Variants in CD36 observed in about 807,000 individuals in gnomAD.
CD36 encodes the protein CD36 molecule (CD36 blood group), also known as platelet glycoprotein 4.
In CD36, 119 loss-of-function variants were observed where a neutral mutation model predicts 55.2. The observed-to-expected ratio is 2.15, with a 90% confidence interval of 1.86 to 2.51. The LOEUF (loss-of-function observed/expected upper bound fraction) is 2.51, where lower values mean the gene tolerates loss of function less well. Among genes scored for constraint, CD36 ranks in the 30% most tolerant of loss-of-function variants. CD36 has a pLI of 0.00. For missense variants in CD36, 819 were observed against 555.5 expected, an observed-to-expected ratio of 1.47 and a Z score of -4.77; for synonymous variants, 186 against 193.6, an observed-to-expected ratio of 0.96 and a Z score of 0.33.
chr7:80,622,324 TGGGGCATGGCTTGCCGAG>T (rs1793515036), intron 1 of CD36, among the ~76,000 whole-genome samples: 1 of 152,174 alleles, frequency 6.6e-6, no homozygotes, highest in African/African-American at 2.4e-5. Flanking sequence ...GAGGCCCAGG[TGGGGCATGGCTTGCCGAG>T]GGTCCCCGGC....
intron 12 of CD36, 78 bp from the exon 13 acceptor site, chr7:80,673,277 T>G (rs1206024052): frequency 2.9e-6 from 2 of 694,750 alleles, no homozygotes; most frequent in Non-Finnish European, 2.5e-6. Flanking sequence ...GCAACTAATT[T>G]ATGAACATTT....
At chr7:80,613,793 T>G (rs1793003995) in intron 1 of CD36, among the ~76,000 whole-genome samples, 1 of 152,128 alleles carries the variant, frequency 6.6e-6, no homozygotes, top group South Asian at 2.1e-4. Flanking sequence ...CTGAGTTGAT[T>G]CCTTGTTAAC....
chr7:80,631,091 T>A (rs1225192245), intron 1 of CD36, among the ~76,000 whole-genome samples: 1 of 152,006 alleles, frequency 6.6e-6, no homozygotes, highest in East Asian at 1.9e-4. Context: ...AATTGAGCAG[T>A]GCAAAAGTAG....
upstream of CD36, among the ~76,000 whole-genome samples, chr7:80,634,412 A>G (rs1253519779): frequency 2.0e-5 from 3 of 152,092 alleles, no homozygotes; most frequent in African/African-American, 7.2e-5. Flanking sequence ...TTTAAATGGT[A>G]TCTACTACTA....
At chr7:80,612,813 A>C (rs1015338514) in intron 1 of CD36, among the ~76,000 whole-genome samples, 1 of 152,142 alleles carries the variant, frequency 6.6e-6, no homozygotes, top group East Asian at 1.9e-4. Context: ...GCTATTTAAC[A>C]TGTGTGTTAT....
chr7:80,660,917 A>T, intron 4 of CD36, 146 bp from the exon 5 acceptor site: 1 of 698,092 alleles, frequency 1.4e-6, no homozygotes, highest in Non-Finnish European at 2.5e-6. Flanking sequence ...ACCCTGGCTG[A>T]TTTCTCATTT....
chr7:80,652,591 G>C (rs757463680), intron 3 of CD36, among the ~76,000 whole-genome samples: 8 of 152,294 alleles, frequency 5.3e-5, no homozygotes, highest in Middle Eastern at 3.4e-3. Context: ...AATGGTAGCA[G>C]CTAGTGGGAA....
intron 3 of CD36, among the ~76,000 whole-genome samples, chr7:80,649,090 A>G (rs1379192392): frequency 6.6e-6 from 1 of 152,170 alleles, no homozygotes; most frequent in Non-Finnish European, 1.5e-5. Context: ...ACCTGAATTT[A>G]GAGATTAGAT....
chr7:80,611,051 G>T (rs1792851566), intron 1 of CD36, among the ~76,000 whole-genome samples: 1 of 151,816 alleles, frequency 6.6e-6, no homozygotes, highest in Non-Finnish European at 1.5e-5. Context: ...AATTTTTGTG[G>T]TTGTTTCTTT....
chr7:80,641,124 T>C (rs1219352549), intron 1 of CD36, among the ~76,000 whole-genome samples: 1 of 152,046 alleles, frequency 6.6e-6, no homozygotes, highest in Admixed American at 6.6e-5. Flanking sequence ...TTTTACCAAA[T>C]AACTCTTCTT....
chr7:80,621,614 C>A (rs1273696838), intron 1 of CD36, among the ~76,000 whole-genome samples: 1 of 151,768 alleles, frequency 6.6e-6, no homozygotes, highest in East Asian at 1.9e-4. Flanking sequence ...TCTAATAATT[C>A]AAATAATTTA....
At chr7:80,625,854 T>G (rs993595423) in intron 1 of CD36, among the ~76,000 whole-genome samples, 1 of 152,286 alleles carries the variant, frequency 6.6e-6, no homozygotes, top group Admixed American at 6.5e-5. Context: ...AACAAATATT[T>G]GTCTGCCCAA....
intron 14 of CD36, among the ~76,000 whole-genome samples, chr7:80,675,246 A>ATACC (rs1334973027): frequency 6.6e-6 from 1 of 151,708 alleles, no homozygotes; most frequent in East Asian, 1.9e-4. Context: ...ATTACCTTCA[A>ATACC]TACCTGTCAG....
chr7:80,664,636 T>G (rs1796865563), intron 7 of CD36, 139 bp downstream of exon 7: 2 of 675,904 alleles, frequency 3.0e-6, no homozygotes, highest in South Asian at 3.1e-5. Flanking sequence ...AAACTCCTGT[T>G]CTGCTAGGTA....
At chr7:80,603,771 A>AAAAAAAAG (rs200002650) in intron 1 of CD36, among the ~76,000 whole-genome samples, 2,765 of 74,958 alleles carry the variant, frequency 0.037, 98 homozygotes, top group African/African-American at 0.11. Flanking sequence ...CAGTCAGGCA[A>AAAAAAAAG]AAAAAAAAAA....
upstream of CD36, among the ~76,000 whole-genome samples, chr7:80,638,015 A>C (rs1434477970): frequency 1.3e-5 from 2 of 151,822 alleles, no homozygotes; most frequent in Non-Finnish European, 2.9e-5. Context: ...TTTTTGTAGG[A>C]GCACTGTGCT....
At chr7:80,666,680 T>G (rs111305425) in intron 8 of CD36, among the ~76,000 whole-genome samples, 191 bp downstream of exon 8, 24 of 152,332 alleles carry the variant, frequency 1.6e-4, no homozygotes, top group Admixed American at 8.5e-4. Flanking sequence ...TTGTAAAGAT[T>G]AATCATAAAA....
At chr7:80,670,702 G>A in intron 9 of CD36, 2 of 431,512 alleles carry the variant, frequency 4.6e-6, no homozygotes, top group Non-Finnish European at 4.2e-6. Context: ...AGTATTTGAA[G>A]GAAGTCCTAT....
rs373462847 is a variant in CD36, at chr7:80,669,762, G to T, written c.749-191G>T. Among the ~76,000 whole-genome samples, 38 of 152,282 alleles carry T rather than the reference G, an allele frequency of 2.5e-4. No individual in the cohort carries two copies. The South Asian group carries it at 7.0e-3, about 28-fold the overall frequency. On this transcript the variant is annotated intron_variant, in intron 8 of 14. Transcript: ENST00000447544. Reference sequence around the variant, plus strand: ...TCCACCCGCCTTGGCCTTCCAAAGTGCTGGGCTTGCAGGCATGAGCCAGCA... The same window carrying T: ...TCCACCCGCCTTGGCCTTCCAAAGTTCTGGGCTTGCAGGCATGAGCCAGCA...
Sources: gnomAD v4.1 joint callset for allele counts (sites outside exome capture counted in the v4.1 genomes callset) on GRCh38, gnomAD v4.1.1 for gene constraint, MANE v1.5 for transcripts, NCBI Gene and HGNC (gene_info 2026-07-23, HGNC 2026-07-21) for gene names.